The following NCR3LG1 variants were observed in gnomAD, a reference collection of about 807,000 sequenced individuals.
NCR3LG1 encodes the protein natural killer cell cytotoxicity receptor 3 ligand 1.
A neutral mutation model predicts 34.8 loss-of-function variants in NCR3LG1; 35 were observed. That is an observed-to-expected ratio of 1.01 (90% CI 0.77 to 1.33). The LOEUF is 1.33. Ranked by LOEUF, NCR3LG1 falls within the 40% of genes most tolerant of loss-of-function variation. NCR3LG1 has a pLI of 0.00. For synonymous variants in NCR3LG1, 173 were observed against 163.6 expected, an observed-to-expected ratio of 1.06 and a Z score of -0.44; for missense variants, 452 against 423.3, an observed-to-expected ratio of 1.07 and a Z score of -0.60.
chr11:17,358,025 A>G (rs1953230492), intron 2 of NCR3LG1, among the ~76,000 whole-genome samples: 1 of 152,160 alleles, frequency 6.6e-6, no homozygotes, highest in African/African-American at 2.4e-5. Context: ...TAAAGACATT[A>G]ATAGACTTTT....
rs60164401 is a variant in NCR3LG1, at chr11:17,377,322, C to CAAAAAAAAA, written c.*4821_*4829dup. On this transcript the variant is annotated 3_prime_UTR_variant, in exon 5 of 5. Transcript: ENST00000338965. The stretch of plus-strand genomic sequence containing the variant: ...TGAAACCCCGTCTGTACTAATAATA[C>CAAAAAAAAA]AAAAAAAAAAAAAAAAAAAGCCAGG... 1.2e-5 allele frequency: 1 copy of CAAAAAAAAA among 80,276 alleles called. No homozygotes were observed. The highest frequency in any genetic ancestry group is 2.5e-5 in the Non-Finnish European group (1 of 40,280). The allele number at this position is 80,276 out of a possible 1,614,324, so 5.0% of individuals were successfully genotyped here.
intron 2 of NCR3LG1, among the ~76,000 whole-genome samples, chr11:17,358,259 C>A (rs1161987723): frequency 6.6e-6 from 1 of 152,154 alleles, no homozygotes; most frequent in Non-Finnish European, 1.5e-5. Context: ...CTCCAGGATC[C>A]CGTCAGAATA....
In NCR3LG1 at chr11:17,352,046, G is replaced by T. The variant is rs754422191; in HGVS notation, c.70+7G>T. The stretch of plus-strand genomic sequence containing the variant: ...TGGGCGCTGACGACCGAAGGTAGGG[G>T]GCGGCTGGGGTGGGCTGGGGCGGGG... On this transcript the variant is annotated splice_region_variant and intron_variant, in intron 1 of 4. Coordinates refer to ENST00000338965, the MANE Select transcript of NCR3LG1 (RefSeq NM_001202439.3). The T allele has an allele frequency of 4.0e-6, 6 of 1,508,774 alleles. No individual in the cohort carries two copies. The South Asian group carries it at 7.2e-5, about 18-fold the overall frequency. The allele number at this position is 1,508,774 out of a possible 1,614,324, so 93.5% of individuals were successfully genotyped here.
At chr11:17,358,073 A>C (rs565910935) in intron 2 of NCR3LG1, among the ~76,000 whole-genome samples, 2 of 152,296 alleles carry the variant, frequency 1.3e-5, no homozygotes, top group South Asian at 4.1e-4. Flanking sequence ...ACATTGCAAA[A>C]ATAGTATGAG....
At chr11:17,377,588 G>C (rs964874662), downstream of NCR3LG1, among the ~76,000 whole-genome samples, 2 of 152,214 alleles carry the variant, frequency 1.3e-5, no homozygotes, top group Non-Finnish European at 2.9e-5. Flanking sequence ...CCTGAGTATA[G>C]ATATCCCCAT....
intron 1 of NCR3LG1, among the ~76,000 whole-genome samples, chr11:17,354,565 T>C (rs1005966383): frequency 3.4e-5 from 5 of 147,828 alleles, no homozygotes; most frequent in African/African-American, 1.2e-4. Flanking sequence ...TTTTTTTTTT[T>C]TTTTTTTTGG....
Position 17,351,989 on chromosome 11 carries a change from C to A in NCR3LG1, c.20C>A (p.Ala7Asp). ...GCGGCGATGACGTGGAGGGCTGCCG[C>A]CTCCACGTGCGCGGCGCTCCTGATT... MTWRAA[A>D]STCAALLILL... Residue 7 changes from alanine to aspartate, a missense_variant, in exon 1 of 5, where the codon GCC becomes GAC. Physicochemically the swap from Ala to Asp is moderately radical, Grantham distance 126 (BLOSUM62 -2). Transcript: ENST00000338965. 1 of 1,526,862 alleles carries A rather than the reference C, an allele frequency of 6.5e-7. No individual in the cohort carries two copies. The highest frequency in any genetic ancestry group is 8.8e-7 in the Non-Finnish European group (1 of 1,142,572). The allele number at this position is 1,526,862 out of a possible 1,614,324, so 94.6% of individuals were successfully genotyped here.
rs1953441846 is a variant in NCR3LG1 at position 17,373,744 on chromosome 11, C to T, written c.*1232C>T. 6.8e-6 allele frequency: 1 copy of T among 146,592 alleles called. No homozygotes were observed. The highest frequency in any genetic ancestry group is 1.5e-5 in the Non-Finnish European group (1 of 65,408). The allele number at this position is 146,592 out of a possible 1,614,324, so 9.1% of individuals were successfully genotyped here. On this transcript the variant is annotated 3_prime_UTR_variant, in exon 5 of 5. Transcript: ENST00000338965. The stretch of plus-strand genomic sequence containing the variant: ...ACCTATTAGTTGCAGTCAGAGGGAC[C>T]TACTGTTTACACAGGCCTTTTTAGT...
chr11:17,354,545 CTT>C (rs71047545), intron 1 of NCR3LG1, among the ~76,000 whole-genome samples: 38 of 70,292 alleles, frequency 5.4e-4, no homozygotes, highest in African/African-American at 1.3e-3. Flanking sequence ...AATTCTTCTT[CTT>C]TTTTTTTTTT....
chr11:17,356,609 A>T (rs557715149), intron 1 of NCR3LG1, 42 bp from the exon 2 acceptor site: 2 of 1,388,084 alleles, frequency 1.4e-6, no homozygotes, highest in South Asian at 2.7e-5. Flanking sequence ...AAAGATGTTC[A>T]TACATTGGTA....
chr11:17,363,195 AT>A (rs1371235350), intron 2 of NCR3LG1, among the ~76,000 whole-genome samples: 21 of 149,746 alleles, frequency 1.4e-4, no homozygotes, highest in African/African-American at 5.2e-4. Flanking sequence ...AAGTGCTGGG[AT>A]TACAGGCATG....
At chr11:17,362,628 TTTC>T (rs1365593622) in intron 2 of NCR3LG1, among the ~76,000 whole-genome samples, 4 of 131,834 alleles carry the variant, frequency 3.0e-5, no homozygotes, top group African/African-American at 6.0e-5. Context: ...AGGTGATTTT[TTTC>T]TTCTTCTTTT....
rs769309106 is a variant in NCR3LG1, at chr11:17,372,433, G to C, written c.1286G>C (p.Trp429Ser). Residue 429 changes from tryptophan to serine, a missense_variant, in exon 5 of 5, where the codon TGG becomes TCG. By Grantham distance (177) the Trp-to-Ser change is radical. Coordinates refer to ENST00000338965, the MANE Select transcript of NCR3LG1 (RefSeq NM_001202439.3). ...CCAATCCTTCCTGTCTCCCCTATCT[G>C]GGAACCTCCTCCAGCCACAACATCA... Reference protein sequence around the residue: ...DAPILPVSPIWEPPPATTSTT... With the variant: ...DAPILPVSPISEPPPATTSTT... The C allele has an allele frequency of 7.1e-6, 5 of 703,070 alleles. No individual in the cohort carries two copies. The South Asian group carries it at 7.4e-5, about 10-fold the overall frequency. The allele number at this position is 703,070 out of a possible 1,614,324, so 43.6% of individuals were successfully genotyped here.
intron 2 of NCR3LG1, among the ~76,000 whole-genome samples, chr11:17,366,303 C>G (rs1474384533): frequency 1.3e-5 from 2 of 152,122 alleles, no homozygotes; most frequent in East Asian, 3.8e-4. Context: ...TCCAAACATT[C>G]TGCAGGAAAT....
rs997989926 is a variant in NCR3LG1, at chr11:17,374,530, G to A, written c.*2018G>A. 2 of 152,166 alleles carry A rather than the reference G, an allele frequency of 1.3e-5. No individual in the cohort carries two copies. Among genetic ancestry groups the A allele is most frequent in the Non-Finnish European group, 2.9e-5 (2 of 68,040 alleles). 9.4% of individuals were successfully genotyped at this position (152,166 alleles called of 1,614,324 possible). On this transcript the variant is annotated 3_prime_UTR_variant, in exon 5 of 5. Coordinates refer to ENST00000338965, the MANE Select transcript of NCR3LG1 (RefSeq NM_001202439.3). ...CTCTCCTTAATTTCCTAGCTGGAAA[G>A]GGATATAAGGCTTCAAAATCTAAGG...
In NCR3LG1 at chr11:17,370,142, G is replaced by A. The variant is rs111285954; in HGVS notation, c.858+1178G>A. ...ATGCACACTACGAGGATGGGGTGGAGCTACCAGAAATGTGTGCCTTATGCC... is the reference window on the plus strand; with the variant it reads ...ATGCACACTACGAGGATGGGGTGGAACTACCAGAAATGTGTGCCTTATGCC... On this transcript the variant is annotated intron_variant, in intron 4 of 4. Transcript: ENST00000338965. Among the ~76,000 whole-genome samples, 54 of 152,316 alleles carry A rather than the reference G, an allele frequency of 3.5e-4. 1 individual carries two copies. The highest frequency in any genetic ancestry group is 1.3e-3 in the African/African-American group (54 of 41,564).
chr11:17,354,243 C>T (rs1953177931), intron 1 of NCR3LG1, among the ~76,000 whole-genome samples: 1 of 152,206 alleles, frequency 6.6e-6, no homozygotes, highest in South Asian at 2.1e-4. Flanking sequence ...TGCATAAATG[C>T]TTTTCCTTGG....
At chr11:17,358,563 C>G (rs1388710301) in intron 2 of NCR3LG1, among the ~76,000 whole-genome samples, 1 of 152,172 alleles carries the variant, frequency 6.6e-6, no homozygotes, top group East Asian at 1.9e-4. Context: ...TCTGGTTTCT[C>G]TACTGAAAAG....
At chr11:17,362,745 T>G in intron 2 of NCR3LG1, among the ~76,000 whole-genome samples, 1 of 108,024 alleles carries the variant, frequency 9.3e-6, no homozygotes, top group Middle Eastern at 4.0e-3. Flanking sequence ...TCTTTCTTTC[T>G]TTCTTTCTTT....
Sources: allele counts gnomAD v4.1 joint callset (sites outside exome capture counted in the v4.1 genomes callset), GRCh38; gene constraint gnomAD v4.1.1; transcripts MANE v1.5; gene names NCBI Gene and HGNC (gene_info 2026-07-23, HGNC 2026-07-21).